DENND1A: variants seen among roughly 807,000 people sequenced by gnomAD.
The protein encoded by DENND1A is DENN domain-containing protein 1A.
In DENND1A, 51 loss-of-function variants were observed where a neutral mutation model predicts 113.7. The observed-to-expected ratio is 0.45, with a 90% CI of 0.36 to 0.57. The LOEUF (loss-of-function observed/expected upper bound fraction) is 0.57. Among genes scored for constraint, DENND1A ranks in the 20% least tolerant of loss-of-function variants. The pLI is 0.00. For missense variants in DENND1A, 1,258 were observed against 1,395.9 expected, an observed-to-expected ratio of 0.90 and a Z score of 1.57; for synonymous variants, 565 against 570.8, an observed-to-expected ratio of 0.99 and a Z score of 0.14.
chr9:123,693,989 G>A (rs1376178842), intron 5 of DENND1A, among the ~76,000 whole-genome samples: 2 of 151,184 alleles, frequency 1.3e-5, no homozygotes, highest in African/African-American at 2.4e-5. Context: ...CACCGCACCC[G>A]GCTAAATTTT....
At chr9:123,575,949 T>C (rs1005217653) in intron 12 of DENND1A, among the ~76,000 whole-genome samples, 31 of 152,330 alleles carry the variant, frequency 2.0e-4, no homozygotes, top group African/African-American at 6.5e-4. Context: ...GTCTAGACAA[T>C]GTATGTTTAA....
At chr9:123,500,637 T>A (rs191062118) in intron 13 of DENND1A, among the ~76,000 whole-genome samples, 1 of 152,332 alleles carries the variant, frequency 6.6e-6, no homozygotes, top group East Asian at 1.9e-4. Flanking sequence ...ACACCTGCAC[T>A]GAGAGTTCTC....
intron 20 of DENND1A, among the ~76,000 whole-genome samples, chr9:123,410,429 C>T (rs1443230876): frequency 1.3e-5 from 2 of 152,198 alleles, no homozygotes; most frequent in African/African-American, 4.8e-5. Context: ...CCAGCTGTGT[C>T]GATGGGGGGT....
intron 11 of DENND1A, among the ~76,000 whole-genome samples, chr9:123,601,534 T>G (rs1308183043): frequency 2.0e-5 from 3 of 152,324 alleles, no homozygotes; most frequent in African/African-American, 7.2e-5. Flanking sequence ...GTGATGACTG[T>G]GCATGAGAAC....
intron 5 of DENND1A, among the ~76,000 whole-genome samples, chr9:123,717,428 A>T (rs1309625940): frequency 1.3e-5 from 2 of 152,322 alleles, no homozygotes; most frequent in East Asian, 3.9e-4. Context: ...AAGGAAAGAG[A>T]GATAAAAAAG....
chr9:123,382,072 G>T lies in DENND1A; in HGVS notation c.2573C>A (p.Thr858Asn), dbSNP rs2042304091. The T allele has an allele frequency of 6.6e-7, 1 of 1,517,422 alleles. No individual in the cohort carries two copies. 94.0% of individuals were successfully genotyped at this position (1,517,422 alleles called of 1,614,324 possible). ...DPLSTAWSGS[T>N]LPSRPATPNV... ...CGGGGTGGCGGGGCGTGACGGGAGG[G>T]TGCTGCCTGACCAGGCTGTGCTGAG... Residue 858 changes from threonine to asparagine, a missense_variant, in exon 24 of 24, where the codon ACC becomes AAC. Coordinates refer to ENST00000394215, the MANE Select transcript of DENND1A (RefSeq NM_001352964.2).
At chr9:123,665,481 T>A (rs2063450578) in intron 8 of DENND1A, among the ~76,000 whole-genome samples, 1 of 152,318 alleles carries the variant, frequency 6.6e-6, no homozygotes, top group Non-Finnish European at 1.5e-5. Context: ...ATACAGATAA[T>A]ATACTACATG....
chr9:123,926,668 T>G (rs1474976035), intron 1 of DENND1A, among the ~76,000 whole-genome samples: 1 of 145,234 alleles, frequency 6.9e-6, no homozygotes, highest in Non-Finnish European at 1.5e-5. Flanking sequence ...CTTTTCTTCC[T>G]CAAGGGTTTT....
intron 5 of DENND1A, among the ~76,000 whole-genome samples, chr9:123,692,846 A>G (rs1458853397): frequency 6.6e-6 from 1 of 152,204 alleles, no homozygotes; most frequent in Non-Finnish European, 1.5e-5. Flanking sequence ...GAAAATGAAA[A>G]TATCTGGTAC....
At chr9:123,848,963 C>T (rs1397407696) in intron 2 of DENND1A, among the ~76,000 whole-genome samples, 2 of 152,180 alleles carry the variant, frequency 1.3e-5, no homozygotes, top group Admixed American at 6.5e-5. Flanking sequence ...GAGTTTGAAA[C>T]TAGCAGAGGT....
chr9:123,679,214 G>A (rs1052423599), intron 5 of DENND1A, among the ~76,000 whole-genome samples: 4 of 152,192 alleles, frequency 2.6e-5, no homozygotes, highest in South Asian at 4.1e-4. Context: ...CAGGCTGGGT[G>A]CTCTGACAGT....
At chr9:123,546,291 G>C (rs1281642218) in intron 13 of DENND1A, among the ~76,000 whole-genome samples, 1 of 152,164 alleles carries the variant, frequency 6.6e-6, no homozygotes, top group Non-Finnish European at 1.5e-5. Flanking sequence ...GCTCACGCCT[G>C]TAATCCCAGC....
intron 3 of DENND1A, among the ~76,000 whole-genome samples, chr9:123,781,778 T>C (rs532748638): frequency 6.2e-4 from 95 of 152,236 alleles, no homozygotes; most frequent in African/African-American, 2.2e-3. Context: ...AAACATTTTA[T>C]TTAAAAAAAG....
At chr9:123,563,858 C>G (rs868689983) in intron 12 of DENND1A, among the ~76,000 whole-genome samples, 1 of 152,114 alleles carries the variant, frequency 6.6e-6, no homozygotes, top group Admixed American at 6.5e-5. Context: ...AAAACCCATT[C>G]GCAAACCTGG....
At chr9:123,669,343 T>C (rs552047993) in intron 7 of DENND1A, among the ~76,000 whole-genome samples, 7 of 152,276 alleles carry the variant, frequency 4.6e-5, no homozygotes, top group African/African-American at 1.2e-4. Flanking sequence ...ACAGATGCAA[T>C]TGATAGTAAA....
At chr9:123,543,421 T>A (rs958772072) in intron 13 of DENND1A, among the ~76,000 whole-genome samples, 2 of 152,354 alleles carry the variant, frequency 1.3e-5, no homozygotes, top group Middle Eastern at 3.4e-3. Flanking sequence ...TTCCAAATTC[T>A]ATGGGATCAG....
At chr9:123,646,364 C>T (rs543866325) in intron 9 of DENND1A, among the ~76,000 whole-genome samples, 22 of 152,126 alleles carry the variant, frequency 1.4e-4, no homozygotes, top group African/African-American at 5.1e-4. Flanking sequence ...GAATTCTGTT[C>T]TGAAAGGGAG....
intron 6 of DENND1A, among the ~76,000 whole-genome samples, chr9:123,676,268 T>C (rs997912827): frequency 1.3e-5 from 2 of 152,218 alleles, no homozygotes; most frequent in Admixed American, 6.5e-5. Flanking sequence ...AAAGCTTTAT[T>C]GAAATGGGAA....
At chr9:123,597,275 G>C (rs956588531) in intron 11 of DENND1A, among the ~76,000 whole-genome samples, 2 of 152,204 alleles carry the variant, frequency 1.3e-5, no homozygotes, top group Non-Finnish European at 2.9e-5. Flanking sequence ...ATGGCTTAGT[G>C]AGAATTACGG....
Sources: gnomAD v4.1 joint callset for allele counts (sites outside exome capture counted in the v4.1 genomes callset) on GRCh38, gnomAD v4.1.1 for gene constraint, MANE v1.5 for transcripts, NCBI Gene and HGNC (gene_info 2026-07-23, HGNC 2026-07-21) for gene names.